The following NPC1 variants were observed in gnomAD, a reference collection of about 807,000 sequenced individuals.
NPC1 encodes the protein NPC intracellular cholesterol transporter 1.
A neutral mutation model predicts 140.4 loss-of-function variants in NPC1; 85 were observed. The observed-to-expected ratio is 0.61, with a 90% CI of 0.51 to 0.72. The LOEUF (loss-of-function observed/expected upper bound fraction) is 0.72. Ranked by LOEUF, NPC1 falls within the 30% of genes least tolerant of loss-of-function variation. The pLI is 0.00. For synonymous variants in NPC1, 656 were observed against 624.8 expected (o/e 1.05, Z -0.74); for missense variants, 1,504 against 1,623.8 (o/e 0.93, Z 1.27).
intron 22 of NPC1, among the ~76,000 whole-genome samples, chr18:23,534,996 T>A (rs368740465): frequency 7.9e-5 from 12 of 152,268 alleles, no homozygotes; most frequent in African/African-American, 2.9e-4. Flanking sequence ...GATAACCACA[T>A]AGGAGGCAAA....
chr18:23,547,049 C>T (rs1054233244), intron 11 of NPC1, among the ~76,000 whole-genome samples: 1 of 152,116 alleles, frequency 6.6e-6, no homozygotes, highest in African/African-American at 2.4e-5. Flanking sequence ...AACTCCCGGC[C>T]TCAAGTGAGC....
intron 24 of NPC1, chr18:23,532,784 C>T (rs2058556138): frequency 1.5e-6 from 1 of 678,960 alleles, no homozygotes; most frequent in South Asian, 6.6e-5. Flanking sequence ...AAAAGCCCCT[C>T]ATTTTCTTAA....
At chr18:23,533,691 T>G (rs1339182088) in intron 23 of NPC1, 174 bp from the exon 24 acceptor site, 1 of 647,048 alleles carries the variant, frequency 1.5e-6, no homozygotes, top group South Asian at 1.8e-5. Context: ...GTGTTTTTAG[T>G]AGAGATGGGG....
At chr18:23,529,401 A>C, downstream of NPC1, 1 of 1,468,542 alleles carries the variant, frequency 6.8e-7, no homozygotes, top group Non-Finnish European at 9.0e-7. Flanking sequence ...TGAAGTGATT[A>C]GAATCACTGG....
At chr18:23,538,512 A>C in intron 20 of NPC1, 30 bp downstream of exon 20, 1 of 1,614,010 alleles carries the variant, frequency 6.2e-7, no homozygotes, top group Middle Eastern at 1.6e-4. Context: ...GTTGCAGTGG[A>C]TGCTTATCTG....
chr18:23,523,832 AC>A (rs1164556549), intron 1 of NPC1, among the ~76,000 whole-genome samples: 1 of 152,166 alleles, frequency 6.6e-6, no homozygotes, highest in Admixed American at 6.5e-5. Flanking sequence ...CAGTTCCTTA[AC>A]GTGCATATGT....
chr18:23,560,363 T>G lies in NPC1; in HGVS notation c.749A>C (p.Lys250Thr), dbSNP rs536360132. 5 of 1,614,222 alleles carry G rather than the reference T, an allele frequency of 3.1e-6. No individual in the cohort carries two copies. In the East Asian group the frequency reaches 1.1e-4, roughly 36 times the overall value. ...AGCAGGAGGAGGTGGGGGCTGGGGC[T>G]TGGGGCCACAGACAATAGAGCAGTC... ...CQDCSIVCGP[K>T]PQPPPPPAPW... The change falls in exon 6 of 25, where the codon AAG becomes ACG. Residue 250 changes from lysine (K) to threonine (T), a missense_variant. Coordinates refer to ENST00000269228, the MANE Select transcript of NPC1 (RefSeq NM_000271.5).
In NPC1 at chr18:23,531,511, T is replaced by C. The variant is rs1462971974; in HGVS notation, c.*691A>G. On this transcript the variant is annotated 3_prime_UTR_variant, in exon 25 of 25. Transcript: ENST00000269228. ...GTAACCCCAAAACTTAGGAAAACAA[T>C]GTATTTTATTAAAGAAAAATAAGTT... 2.0e-5 allele frequency: 30 copies of C among 1,499,540 alleles called. No individual in the cohort carries two copies. The highest frequency in any genetic ancestry group is 4.8e-5 in the Admixed American group (2 of 42,070). 92.9% of individuals were successfully genotyped at this position (1,499,540 alleles called of 1,614,324 possible).
chr18:23,578,514 G>A (rs1001283578), intron 1 of NPC1, among the ~76,000 whole-genome samples: 5 of 152,222 alleles, frequency 3.3e-5, no homozygotes, highest in African/African-American at 1.2e-4. Context: ...ACAGCTGAAA[G>A]TGGAGAGCCA....
chr18:23,534,463 C>T lies in NPC1; in HGVS notation c.3574G>A (p.Ala1192Thr), dbSNP rs1567943922. Residue 1192 changes from alanine to threonine, a missense_variant, in exon 23 of 25, where the codon GCC (alanine) becomes ACC (threonine). Physicochemically the swap from Ala to Thr is moderately conservative, Grantham distance 58. Coordinates refer to ENST00000269228, the MANE Select transcript of NPC1 (RefSeq NM_000271.5). ...SRVERAEEAL[A>T]HMGSSVFSGI... is the part of the protein sequence containing the mutation. ...GTACTCACGGAGCTGCCCATGTGGG[C>T]AAGTGCCTCTTCCGCGCGCTCCACG... 2 of 1,613,478 alleles carry T rather than the reference C, an allele frequency of 1.2e-6. No homozygotes were observed. The highest frequency in any genetic ancestry group is 2.2e-5 in the South Asian group (2 of 91,076).
At chr18:23,519,209 T>C, downstream of NPC1, 3 of 1,586,372 alleles carry the variant, frequency 1.9e-6, no homozygotes, top group Non-Finnish European at 2.6e-6. Flanking sequence ...AAAGTTAAGG[T>C]TGCTTAAAAG....
intron 11 of NPC1, 24 bp downstream of exon 11, chr18:23,547,982 T>C (rs1463815875): frequency 1.5e-6 from 2 of 1,313,436 alleles, no homozygotes; most frequent in East Asian, 2.3e-5. Flanking sequence ...AAGGACAGTC[T>C]GCTCACACCC....
At chr18:23,566,408 GAAC>G (rs1433791354) in intron 4 of NPC1, among the ~76,000 whole-genome samples, 1 of 152,000 alleles carries the variant, frequency 6.6e-6, no homozygotes, top group Non-Finnish European at 1.5e-5. Flanking sequence ...GCACTATTCA[GAAC>G]AACTGGCTAT....
chr18:23,560,825 A>T (rs2059028309), intron 5 of NPC1, among the ~76,000 whole-genome samples: 1 of 152,182 alleles, frequency 6.6e-6, no homozygotes, highest in Admixed American at 6.5e-5. Context: ...TTAACTGCTT[A>T]TTCTTTCAAT....
intron 23 of NPC1, 47 bp downstream of exon 23, chr18:23,534,399 A>T: frequency 8.0e-7 from 1 of 1,243,324 alleles, no homozygotes; most frequent in East Asian, 2.3e-5. Context: ...GAGGAGGATT[A>T]CTTTGTGGTG....
intron 3 of NPC1, chr18:23,509,153 T>C: frequency 1.2e-6 from 1 of 807,046 alleles, no homozygotes; most frequent in Non-Finnish European, 1.8e-6. Flanking sequence ...TATGTGTTTT[T>C]TCTTATTAAT....
chr18:23,530,441 G>GTGTT, downstream of NPC1: 1 of 1,614,262 alleles, frequency 6.2e-7, no homozygotes, highest in Non-Finnish European at 8.5e-7. Context: ...CAAACACCAA[G>GTGTT]TGTTAGCTGC....
At chr18:23,565,691 C>T (rs1458045749) in intron 4 of NPC1, among the ~76,000 whole-genome samples, 2 of 152,158 alleles carry the variant, frequency 1.3e-5, no homozygotes, top group Non-Finnish European at 2.9e-5. Context: ...ATAGTTACTC[C>T]TAAGTATTTC....
At chr18:23,550,027 T>C (rs960858123) in intron 10 of NPC1, among the ~76,000 whole-genome samples, 1 of 151,994 alleles carries the variant, frequency 6.6e-6, no homozygotes, top group Non-Finnish European at 1.5e-5. Flanking sequence ...CCAGTTTTTT[T>C]TTTTTTCTGG....
Sources: gnomAD v4.1 joint callset for allele counts (sites outside exome capture counted in the v4.1 genomes callset) on GRCh38, gnomAD v4.1.1 for gene constraint, MANE v1.5 for transcripts, NCBI Gene and HGNC (gene_info 2026-07-23, HGNC 2026-07-21) for gene names.